DNAH1: variants seen among roughly 807,000 people sequenced by gnomAD.
The protein encoded by DNAH1 is axonemal beta dynein heavy chain 1.
DNAH1 carries 327 observed loss-of-function variants against 484.3 expected under a neutral mutation model. The ratio of observed to expected loss-of-function variants is 0.68; its 90% confidence interval spans 0.62 to 0.74. The LOEUF is 0.74. Among genes scored for constraint, DNAH1 ranks in the 30% least tolerant of loss-of-function variants. DNAH1 has a pLI of 0.00. For missense variants in DNAH1, 5,052 were observed against 5,546.8 expected, an observed-to-expected ratio of 0.91 and a Z score of 2.83; for synonymous variants, 2,192 against 2,191.9, an observed-to-expected ratio of 1.00 and a Z score of 0.00.
At position 52,395,205 on chromosome 3, in the gene DNAH1, A is replaced by G; in HGVS notation, c.10969-103A>G. On this transcript the variant is annotated intron_variant, in intron 68 of 77. Transcript: ENST00000420323. The surrounding 1 kb of genome is among the most constrained non-coding windows in gnomAD (Gnocchi z 4.4). ...AGGCTCTGAGGTTCCAGCCCCCACCAGGAAGCCCACTGGGGACCACTCTGA... is the reference window on the plus strand; with the variant it reads ...AGGCTCTGAGGTTCCAGCCCCCACCGGGAAGCCCACTGGGGACCACTCTGA... The G allele has an allele frequency of 8.7e-6, 13 of 1,493,432 alleles. No individual in the cohort carries two copies. Among genetic ancestry groups the G allele is most frequent in the Non-Finnish European group, 1.2e-5 (13 of 1,110,686 alleles). 92.5% of individuals were successfully genotyped at this position (1,493,432 alleles called of 1,614,324 possible).
chr3:52,385,252 T>G, intron 53 of DNAH1, 85 bp from the exon 54 acceptor site: 1 of 1,368,734 alleles, frequency 7.3e-7, no homozygotes, highest in Non-Finnish European at 1.0e-6. Context: ...ACAGCTTCTC[T>G]CTCATGAATG....
intron 27 of DNAH1, 57 bp downstream of exon 27, chr3:52,360,136 A>G: frequency 6.2e-7 from 1 of 1,608,026 alleles, no homozygotes; most frequent in East Asian, 2.2e-5. Context: ...GGGGCAGGGG[A>G]AAAGAGAAAA....
At position 52,379,790 on chromosome 3, in the gene DNAH1, C is replaced by A; in HGVS notation, c.7378-115C>A. ...CTGTCCCTGGGCCATGGTGGGAGAG[C>A]CAGGCTCCAGTCAGGGCCCCAGGAA... On this transcript the variant is annotated intron_variant, in intron 47 of 77. Coordinates refer to ENST00000420323, the MANE Select transcript of DNAH1 (RefSeq NM_015512.5). This position sits in a 1 kb window ranked among gnomAD's most constrained non-coding sequence, Gnocchi z 4.4. 1 of 899,600 alleles carries A rather than the reference C, an allele frequency of 1.1e-6. No homozygotes were observed. The highest frequency in any genetic ancestry group is 1.7e-6 in the Non-Finnish European group (1 of 603,408). 55.7% of individuals were successfully genotyped at this position (899,600 alleles called of 1,614,324 possible). A position where few individuals can be genotyped will look rare whatever the true frequency, so the allele number is the denominator to read the frequency against.
At chr3:52,335,297 C>T (rs537406420) in intron 8 of DNAH1, among the ~76,000 whole-genome samples, 4 of 138,936 alleles carry the variant, frequency 2.9e-5, no homozygotes, top group South Asian at 2.3e-4. Flanking sequence ...CCTCGTGATC[C>T]ACCTGCCTCA....
chr3:52,322,119 T>G (rs1423633870), intron 1 of DNAH1, among the ~76,000 whole-genome samples: 1 of 152,116 alleles, frequency 6.6e-6, no homozygotes, highest in African/African-American at 2.4e-5. Context: ...TGCAGTCGCA[T>G]GCATGGGTTG....
chr3:52,362,019 G>A lies in DNAH1; in HGVS notation c.4980+253G>A, dbSNP rs534871973. 5.9e-5 allele frequency among the ~76,000 whole-genome samples: 9 copies of A among 152,372 alleles called. No homozygotes were observed. In the South Asian group the frequency reaches 1.9e-3, roughly 32 times the overall value. The stretch of plus-strand genomic sequence containing the variant: ...GCATTGGTCCTTTCTCTAGCCACGT[G>A]CAGGGCGGCCAGGGACCTTGTTCTG... On this transcript the variant is annotated intron_variant, in intron 30 of 77. Coordinates refer to ENST00000420323, the MANE Select transcript of DNAH1 (RefSeq NM_015512.5). This position sits in a 1 kb window ranked among gnomAD's most constrained non-coding sequence, Gnocchi z 5.1.
chr3:52,330,549 C>T (rs1269380222), intron 6 of DNAH1, among the ~76,000 whole-genome samples: 2 of 152,244 alleles, frequency 1.3e-5, no homozygotes, highest in African/African-American at 4.8e-5. Context: ...GCCAGACATC[C>T]AGTGTGGCTA....
rs563033665 is a variant in DNAH1 at position 52,353,457 on chromosome 3, C to T, written c.3304C>T (p.Arg1102Cys). 27 of 1,613,924 alleles carry T rather than the reference C, an allele frequency of 1.7e-5. No homozygotes were observed. The highest frequency in any genetic ancestry group is 4.5e-5 in the East Asian group (2 of 44,888). ...ATACATCCCACTGATCCAGGGGCTG[C>T]GCAACCCTGGCATGCGGATCCGGCA... is the stretch of plus-strand genomic sequence containing the variant. ...KPYIPLIQGLRNPGMRIRHWE... is the reference protein window; with the variant it reads ...KPYIPLIQGLCNPGMRIRHWE... Residue 1102 changes from arginine to cysteine, a missense_variant, in exon 20 of 78, where the codon CGC becomes TGC. Arg to Cys is a radical substitution (Grantham distance 180). Transcript: ENST00000420323. The surrounding 1 kb of genome is among the most constrained non-coding windows in gnomAD (Gnocchi z 5.0).
In DNAH1 at chr3:52,361,050, C is replaced by G; in HGVS notation, c.4686-114C>G. ...ACCCCGGAGCCAGGGCTGGGCACAC[C>G]CCAGCCCACCAAAAGGGGACGGGGC... On this transcript the variant is annotated intron_variant, in intron 28 of 77. Transcript: ENST00000420323. This position sits in a 1 kb window ranked among gnomAD's most constrained non-coding sequence, Gnocchi z 5.6. 5 of 1,096,816 alleles carry G rather than the reference C, an allele frequency of 4.6e-6. No individual in the cohort carries two copies. The highest frequency in any genetic ancestry group is 4.8e-6 in the Non-Finnish European group (4 of 825,556). 67.9% of individuals were successfully genotyped at this position (1,096,816 alleles called of 1,614,324 possible).
chr3:52,343,691 G>T (rs1702030923), intron 8 of DNAH1, among the ~76,000 whole-genome samples: 1 of 152,114 alleles, frequency 6.6e-6, no homozygotes. Context: ...GGGCTAAAGG[G>T]ACTATTCAGA....
intron 32 of DNAH1, among the ~76,000 whole-genome samples, chr3:52,363,544 C>T (rs1292549647): frequency 3.9e-5 from 6 of 152,224 alleles, no homozygotes; most frequent in Non-Finnish European, 7.3e-5. Context: ...GCACCACCAT[C>T]CTTCCACTCA....
In DNAH1 at chr3:52,326,901, G is replaced by A. The variant is rs1410855052; in HGVS notation, c.738+10G>A. On this transcript the variant is annotated intron_variant, in intron 5 of 77. Coordinates refer to ENST00000420323, the MANE Select transcript of DNAH1 (RefSeq NM_015512.5). The stretch of plus-strand genomic sequence containing the variant: ...CTACCTCCCACTGAAGGTGAGCCGG[G>A]CTTCCACAGATGGTTGAGAGACAGG... 6.2e-7 allele frequency: 1 copy of A among 1,610,002 alleles called. No homozygotes were observed.
At chr3:52,326,439 C>T (rs1033283355) in intron 4 of DNAH1, 125 bp downstream of exon 4, 15 of 1,226,144 alleles carry the variant, frequency 1.2e-5, no homozygotes, top group Middle Eastern at 5.5e-4. Flanking sequence ...GTGTTTAGAT[C>T]GAATCTTCTA....
At chr3:52,323,772 TTGA>T (rs1701235656) in intron 2 of DNAH1, 33 bp from the exon 3 acceptor site, 1 of 1,554,908 alleles carries the variant, frequency 6.4e-7, no homozygotes, top group African/African-American at 1.4e-5. Flanking sequence ...CCCTGGGAGG[TTGA>T]CACATACTCA....
rs762077685 is a variant in DNAH1, at chr3:52,372,335, C to T, written c.6775C>T (p.Arg2259Cys). The T allele has an allele frequency of 2.8e-5, 45 of 1,613,918 alleles. No individual in the cohort carries two copies. The highest frequency in any genetic ancestry group is 1.2e-4 in the South Asian group (11 of 91,096). Residue 2259 changes from arginine (R) to cysteine (C), a missense_variant, in exon 43 of 78, where the codon CGC (arginine) becomes TGC (cysteine). Arg to Cys is a radical substitution (Grantham distance 180, BLOSUM62 -3). Transcript: ENST00000420323. ...CAGCCACTTCCTCACCTTCTCAGCC[C>T]GCACTTCAGCCAACCAGACCCAGGA... ...YISHFLTFSA[R>C]TSANQTQDFI...
In DNAH1 at chr3:52,355,569, C is replaced by T. The variant is rs1263962505; in HGVS notation, c.3693+514C>T. Reference sequence around the variant, plus strand: ...CTAGAGGCAAGGGCTGCCCACAGAGCCCTGGAGGGCAGTCCCGGGGCCAGC... The same window carrying T: ...CTAGAGGCAAGGGCTGCCCACAGAGTCCTGGAGGGCAGTCCCGGGGCCAGC... On this transcript the variant is annotated intron_variant, in intron 21 of 77. Transcript: ENST00000420323. The surrounding 1 kb of genome is among the most constrained non-coding windows in gnomAD (Gnocchi z 4.5). 6.6e-6 allele frequency among the ~76,000 whole-genome samples: 1 copy of T among 152,262 alleles called. No homozygotes were observed. The highest frequency in any genetic ancestry group is 1.5e-5 in the Non-Finnish European group (1 of 68,044).
chr3:52,349,170 C>G (rs1298045666), intron 13 of DNAH1, 25 bp from the exon 14 acceptor site: 1 of 1,612,322 alleles, frequency 6.2e-7, no homozygotes, highest in Non-Finnish European at 8.5e-7. Flanking sequence ...TCCTCTGCCC[C>G]CTCCCGTGTG....
chr3:52,324,845 A>G (rs968960217), intron 3 of DNAH1, among the ~76,000 whole-genome samples: 2 of 152,084 alleles, frequency 1.3e-5, no homozygotes, highest in Non-Finnish European at 2.9e-5. Context: ...CCCACATGAG[A>G]AAAAGCAGCC....
intron 1 of DNAH1, among the ~76,000 whole-genome samples, chr3:52,317,471 C>T (rs1201404006): frequency 6.6e-6 from 1 of 152,176 alleles, no homozygotes; most frequent in Admixed American, 6.5e-5. Context: ...CCAGCTGTCC[C>T]GCAGCTGTGG....
Sources: gnomAD v4.1 joint callset for allele counts (sites outside exome capture counted in the v4.1 genomes callset) on GRCh38, gnomAD v4.1.1 for gene constraint, Gnocchi (gnomAD v3.1) non-coding constraint, MANE v1.5 for transcripts, NCBI Gene and HGNC (gene_info 2026-07-23, HGNC 2026-07-21) for gene names.